The following UTRN variants were observed in gnomAD, a reference collection of about 807,000 sequenced individuals.
The protein encoded by UTRN is utrophin, also known as dystrophin-related protein 1.
Under a neutral mutation model 463.9 loss-of-function variants are expected in UTRN, and 283 were observed. The observed-to-expected ratio is 0.61, with a 90% CI of 0.55 to 0.67. The LOEUF (loss-of-function observed/expected upper bound fraction) is 0.67. Among genes scored for constraint, UTRN ranks in the 30% least tolerant of loss-of-function variants. The probability of loss-of-function intolerance (pLI) is 0.00; values close to 1 mark genes in which losing one functional copy is unlikely to be tolerated. For missense variants in UTRN, 3,922 were observed against 4,084.3 expected, an observed-to-expected ratio of 0.96 and a Z score of 1.08; for synonymous variants, 1,442 against 1,431.5, an observed-to-expected ratio of 1.01 and a Z score of -0.17.
At chr6:144,416,229 A>T (rs1185071362) in intron 3 of UTRN, among the ~76,000 whole-genome samples, 2 of 152,108 alleles carry the variant, frequency 1.3e-5, no homozygotes, top group African/African-American at 4.8e-5. Flanking sequence ...TGTAGACAAG[A>T]TCTATTTGTT....
At chr6:144,332,704 G>A (rs149622811) in intron 2 of UTRN, among the ~76,000 whole-genome samples, 2,700 of 151,904 alleles carry the variant, frequency 0.018, 31 homozygotes, top group Middle Eastern at 0.034. Context: ...AAGTCAAACC[G>A]TTTTTAATAG....
chr6:144,609,619 A>G (rs1805255515), intron 51 of UTRN, among the ~76,000 whole-genome samples: 1 of 152,218 alleles, frequency 6.6e-6, no homozygotes, highest in Non-Finnish European at 1.5e-5. Flanking sequence ...CCACAGCAAC[A>G]GAATACACGT....
In UTRN at chr6:144,577,075, G is replaced by T. The variant is rs376869142; in HGVS notation, c.7290-24G>T. The T allele has an allele frequency of 2.5e-6, 4 of 1,605,540 alleles. No homozygotes were observed. The South Asian group carries it at 4.4e-5, about 18-fold the overall frequency. ...TCACAACACTGTAAGTAATGGAGCC[G>T]TGCTGTCATATTGTTACTTTCAGTA... is the stretch of plus-strand genomic sequence containing the variant. On this transcript the variant is annotated intron_variant, in intron 50 of 74. Coordinates refer to ENST00000367545, the MANE Select transcript of UTRN (RefSeq NM_007124.3).
chr6:144,367,269 G>A (rs1227665878), intron 2 of UTRN, among the ~76,000 whole-genome samples: 1 of 151,426 alleles, frequency 6.6e-6, no homozygotes, highest in Non-Finnish European at 1.5e-5. Flanking sequence ...ACAGGTGTGA[G>A]CCACTGTGCC....
chr6:144,795,337 C>T (rs1417283399), intron 63 of UTRN, among the ~76,000 whole-genome samples: 11 of 151,992 alleles, frequency 7.2e-5, no homozygotes, highest in South Asian at 4.1e-4. Context: ...AACATACGTG[C>T]GCATGTGTCT....
chr6:144,678,356 A>G, intron 51 of UTRN, 50 bp from the exon 52 acceptor site: 1 of 1,561,280 alleles, frequency 6.4e-7, no homozygotes, highest in Non-Finnish European at 8.7e-7. Context: ...GAATATAAAG[A>G]TATACTGATT....
At chr6:144,518,616 T>C (rs1417786751) in intron 39 of UTRN, among the ~76,000 whole-genome samples, 5 of 152,216 alleles carry the variant, frequency 3.3e-5, no homozygotes, top group African/African-American at 1.2e-4. Flanking sequence ...TTCTCTGCTT[T>C]ATTGTGACTT....
intron 60 of UTRN, among the ~76,000 whole-genome samples, chr6:144,774,926 C>T (rs1196896676): frequency 2.0e-5 from 3 of 152,128 alleles, no homozygotes; most frequent in Admixed American, 2.0e-4. Flanking sequence ...AAGGATATTT[C>T]CTCCCGCAAA....
chr6:144,406,467 A>T (rs1783427910), intron 3 of UTRN, among the ~76,000 whole-genome samples: 1 of 149,046 alleles, frequency 6.7e-6, no homozygotes, highest in African/African-American at 2.5e-5. Context: ...CCCAGGTTGC[A>T]GCGATTCTCC....
At chr6:144,674,376 A>G (rs1431899812) in intron 51 of UTRN, among the ~76,000 whole-genome samples, 2 of 150,278 alleles carry the variant, frequency 1.3e-5, no homozygotes, top group Non-Finnish European at 3.0e-5. Context: ...AGATTGGGTT[A>G]GTTGGAAAGC....
intron 51 of UTRN, among the ~76,000 whole-genome samples, chr6:144,627,296 G>C (rs1776047355): frequency 1.3e-5 from 2 of 152,164 alleles, no homozygotes; most frequent in South Asian, 4.1e-4. Context: ...TTGTCAAAGG[G>C]AGTAATAGCT....
intron 2 of UTRN, among the ~76,000 whole-genome samples, chr6:144,396,624 A>C (rs575339969): frequency 6.6e-6 from 1 of 152,228 alleles, no homozygotes; most frequent in Non-Finnish European, 1.5e-5. Flanking sequence ...AGGTGAATTT[A>C]AATGGGTAAA....
At chr6:144,439,502 C>T (rs7747663) in intron 12 of UTRN, among the ~76,000 whole-genome samples, 7,795 of 151,368 alleles carry the variant, frequency 0.051, 625 homozygotes, top group African/African-American at 0.17. Context: ...TTCTTTCTTT[C>T]TTTTTTTTGA....
At chr6:144,482,175 G>GT (rs1407367360) in intron 26 of UTRN, 34 bp from the exon 27 acceptor site, 1 of 1,389,572 alleles carries the variant, frequency 7.2e-7, no homozygotes, top group Non-Finnish European at 9.4e-7. Context: ...AAAGGGAGAC[G>GT]TTTTTCAAGT....
intron 57 of UTRN, among the ~76,000 whole-genome samples, chr6:144,756,512 T>C (rs1792005981): frequency 6.6e-6 from 1 of 152,206 alleles, no homozygotes; most frequent in South Asian, 2.1e-4. Flanking sequence ...TCCCAATTAA[T>C]ACATTTAATA....
At chr6:144,573,838 C>G (rs968709014) in intron 50 of UTRN, among the ~76,000 whole-genome samples, 1 of 152,004 alleles carries the variant, frequency 6.6e-6, no homozygotes, top group Non-Finnish European at 1.5e-5. Context: ...TGGAAAGATA[C>G]GAAAACTATA....
At chr6:144,537,865 T>G in intron 44 of UTRN, 148 bp downstream of exon 44, 1 of 1,201,992 alleles carries the variant, frequency 8.3e-7, no homozygotes, top group Non-Finnish European at 1.1e-6. Context: ...TATCTTTTAT[T>G]TTTTAAAGAG....
At chr6:144,774,932 G>A (rs6914603) in intron 60 of UTRN, among the ~76,000 whole-genome samples, 3,797 of 152,134 alleles carry the variant, frequency 0.025, 176 homozygotes, top group African/African-American at 0.087. Flanking sequence ...ATTTCCTCCC[G>A]CAAAATAACC....
intron 52 of UTRN, among the ~76,000 whole-genome samples, chr6:144,688,338 A>T (rs1782962750): frequency 6.6e-6 from 1 of 152,138 alleles, no homozygotes; most frequent in Non-Finnish European, 1.5e-5. Context: ...GTAACTTAAT[A>T]GTCATCCTTT....
Sources: allele counts gnomAD v4.1 joint callset (sites outside exome capture counted in the v4.1 genomes callset), GRCh38; gene constraint gnomAD v4.1.1; transcripts MANE v1.5; gene names NCBI Gene and HGNC (gene_info 2026-07-23, HGNC 2026-07-21).